ANKRD24: variants seen among roughly 807,000 people sequenced by gnomAD.
ANKRD24 encodes the protein ankyrin repeat domain 24, also known as ankyrin repeat domain-containing protein 24.
ANKRD24 carries 109 observed loss-of-function variants against 127.8 expected under a neutral mutation model. The observed-to-expected ratio is 0.85, with a 90% CI of 0.73 to 1.00. ANKRD24 has a LOEUF of 1.00. Ranked by LOEUF, ANKRD24 falls within the 50% of genes least tolerant of loss-of-function variation. The pLI, the probability that ANKRD24 is intolerant of heterozygous loss-of-function variation, is 0.00. For synonymous variants in ANKRD24, 743 were observed against 671.1 expected, an observed-to-expected ratio of 1.11 and a Z score of -1.66; for missense variants, 1,648 against 1,570.2, an observed-to-expected ratio of 1.05 and a Z score of -0.84.
intron 7 of ANKRD24, among the ~76,000 whole-genome samples, chr19:4,205,771 C>T (rs575782430): frequency 8.6e-5 from 13 of 151,964 alleles, no homozygotes; most frequent in African/African-American, 2.2e-4. Context: ...TCGCTGGAAC[C>T]GGGGAGGCGG....
chr19:4,215,020 C>A (rs1969978254), intron 15 of ANKRD24, among the ~76,000 whole-genome samples: 1 of 152,208 alleles, frequency 6.6e-6, no homozygotes, highest in Admixed American at 6.6e-5. Context: ...CAGACAAACA[C>A]ACCCACAGGT....
intron 2 of ANKRD24, among the ~76,000 whole-genome samples, chr19:4,187,397 A>G (rs540073147): frequency 6.6e-6 from 1 of 151,282 alleles, no homozygotes; most frequent in Non-Finnish European, 1.5e-5. Flanking sequence ...TGGGCAACAG[A>G]GTGAGACTCC....
At position 4,217,910 on chromosome 19, in the gene ANKRD24, C is replaced by A; in HGVS notation, c.2750C>A (p.Ser917Tyr). 6.7e-7 allele frequency: 1 copy of A among 1,486,686 alleles called. No homozygotes were observed. The highest frequency in any genetic ancestry group is 8.9e-7 in the Non-Finnish European group (1 of 1,125,832). The allele number at this position is 1,486,686 out of a possible 1,614,324, so 92.1% of individuals were successfully genotyped here. A position where few individuals can be genotyped will look rare whatever the true frequency, so the allele number is the denominator to read the frequency against. The change falls in exon 18 of 22, where the codon TCT becomes TAT. Residue 917 changes from serine to tyrosine, a missense_variant. By Grantham distance (144) the Ser-to-Tyr change is moderately radical. Coordinates refer to ENST00000318934, the MANE Select transcript of ANKRD24 (RefSeq NM_001393985.1). The stretch of plus-strand genomic sequence containing the variant: ...CTCCGCCAGTCCGTGGTGCCGGCCT[C>A]TGAGCACCGCCGGCTGCAGGAGGAG... Reference protein sequence around the residue: ...EALRQSVVPASEHRRLQEEAL... With the variant: ...EALRQSVVPAYEHRRLQEEAL...
chr19:4,194,949 G>A (rs968199335), intron 2 of ANKRD24, among the ~76,000 whole-genome samples: 5 of 151,608 alleles, frequency 3.3e-5, no homozygotes, highest in Admixed American at 6.6e-5. Context: ...AGTGGGCTCC[G>A]AGGGGCATTT....
intron 15 of ANKRD24, among the ~76,000 whole-genome samples, chr19:4,213,759 C>T (rs1180397892): frequency 6.6e-6 from 1 of 152,074 alleles, no homozygotes; most frequent in East Asian, 1.9e-4. Context: ...CGCAGCCTCC[C>T]GAGTAGCTGG....
In ANKRD24 at chr19:4,216,939, A is replaced by G. The variant is rs1286728575; in HGVS notation, c.1779A>G (p.Gly593=). Residue 593 remains glycine, a synonymous_variant, in exon 18 of 22, where the codon GGA becomes GGG. Transcript: ENST00000318934. Reference sequence around the variant, plus strand: ...AGGCCACGGGAGCTGAGGCCACAGGAGCCAAGGTCACAGAAACAAAACCCA... The same window carrying G: ...AGGCCACGGGAGCTGAGGCCACAGGGGCCAAGGTCACAGAAACAAAACCCA... ...GAEATGAEAT[G]AKVTETKPTG... is the part of the protein sequence containing the mutation. 9 of 1,611,430 alleles carry G rather than the reference A, an allele frequency of 5.6e-6. No homozygotes were observed. Among genetic ancestry groups the G allele is most frequent in the Non-Finnish European group, 1.7e-6 (2 of 1,178,922 alleles).
At chr19:4,208,566 A>G (rs1969522824) in intron 10 of ANKRD24, among the ~76,000 whole-genome samples, 198 bp from the exon 11 acceptor site, 1 of 151,932 alleles carries the variant, frequency 6.6e-6, no homozygotes, top group Non-Finnish European at 1.5e-5. Flanking sequence ...TACAGGCATG[A>G]GTCACCCCAT....
intron 2 of ANKRD24, among the ~76,000 whole-genome samples, chr19:4,188,225 G>A (rs1032498771): frequency 4.6e-5 from 7 of 151,688 alleles, no homozygotes; most frequent in African/African-American, 1.5e-4. Context: ...TTACAGGCAC[G>A]CACCACCATG....
chr19:4,207,653 T>G, intron 9 of ANKRD24, 46 bp downstream of exon 9: 1 of 1,606,652 alleles, frequency 6.2e-7, no homozygotes, highest in East Asian at 2.2e-5. Context: ...CTGTGTGACC[T>G]TCGGCAAGAC....
Position 4,217,313 on chromosome 19 carries a change from C to A in ANKRD24, c.2153C>A (p.Ser718Ter), listed in dbSNP as rs751661084. 2 of 1,552,510 alleles carry A rather than the reference C, an allele frequency of 1.3e-6. No individual in the cohort carries two copies. Among genetic ancestry groups the A allele is most frequent in the African/African-American group, 2.7e-5 (2 of 73,186 alleles). ...CTACATCCTGGTGCCGCAGAGGCCT[C>A]GGAAAAGCTTCAAGTAGAGCTGGAG... The part of the protein sequence containing the change: ...PILHPGAAEA[S>*]EKLQVELETR... Residue 718 changes from serine to a stop codon, truncating the protein, a stop_gained, in exon 18 of 22, where the codon TCG becomes TAG. Transcript: ENST00000318934. LOFTEE classifies it high-confidence loss of function.
intron 1 of ANKRD24, among the ~76,000 whole-genome samples, chr19:4,183,957 G>A (rs966282880): frequency 2.6e-5 from 4 of 152,186 alleles, no homozygotes; most frequent in African/African-American, 7.2e-5. Flanking sequence ...AGGTAGAGCC[G>A]GTTGGGGTGA....
chr19:4,203,048 CTTTCTT>C, intron 7 of ANKRD24, 122 bp downstream of exon 7: 4 of 824,986 alleles, frequency 4.8e-6, no homozygotes, highest in Admixed American at 3.3e-5. Context: ...TCCTTTCTTT[CTTTCTT>C]TTTTTTTTTT....
At position 4,216,925 on chromosome 19, in the gene ANKRD24, G is replaced by A. The variant is rs1295811922; in HGVS notation, c.1765G>A (p.Ala589Thr). The A allele has an allele frequency of 6.2e-6, 10 of 1,610,240 alleles. No individual in the cohort carries two copies. Among genetic ancestry groups the A allele is most frequent in the Non-Finnish European group, 7.6e-6 (9 of 1,178,212 alleles). Residue 589 changes from alanine (A) to threonine (T), a missense_variant, in exon 18 of 22, where the codon GCT (alanine) becomes ACT (threonine). Physicochemically the swap from Ala to Thr is moderately conservative, Grantham distance 58 (BLOSUM62 0). Transcript: ENST00000318934. ...GGCCACGGGAGCCGAGGCCACGGGA[G>A]CTGAGGCCACAGGAGCCAAGGTCAC... The part of the protein sequence containing the change: ...AEATGAEATG[A>T]EATGAKVTET...
chr19:4,200,161 G>T lies in ANKRD24; in HGVS notation c.333G>T (p.Ala111=). 6.2e-7 allele frequency: 1 copy of T among 1,602,030 alleles called. No individual in the cohort carries two copies. ...MIAHGSNVMS[A]DGAGYNALHL... Reference sequence around the variant, plus strand: ...CTCATGGCAGCAATGTCATGAGCGCGGACGGGGCAGGTACTGCCAGCTGGG... The same window carrying T: ...CTCATGGCAGCAATGTCATGAGCGCTGACGGGGCAGGTACTGCCAGCTGGG... Residue 111 remains alanine (A), a synonymous_variant, in exon 5 of 22, where the codon GCG becomes GCT. Coordinates refer to ENST00000318934, the MANE Select transcript of ANKRD24 (RefSeq NM_001393985.1).
At chr19:4,206,047 C>T (rs1969362597) in intron 7 of ANKRD24, among the ~76,000 whole-genome samples, 1 of 151,922 alleles carries the variant, frequency 6.6e-6, no homozygotes, top group Admixed American at 6.6e-5. Context: ...GAGGCTGAGG[C>T]AGGAGAATGG....
At position 4,218,017 on chromosome 19, in the gene ANKRD24, G is replaced by A. The variant is rs1341997620; in HGVS notation, c.2857G>A (p.Glu953Lys). Residue 953 changes from glutamate to lysine, a missense_variant, in exon 18 of 22, where the codon GAG becomes AAG. By Grantham distance (56) the Glu-to-Lys change is moderately conservative. Coordinates refer to ENST00000318934, the MANE Select transcript of ANKRD24 (RefSeq NM_001393985.1). Reference sequence around the variant, plus strand: ...CAAGGAGGCCGCCCGGCTGCGCGCGGAGCTGGAGCGGGAGCGTGTGTGCAG... The same window carrying A: ...CAAGGAGGCCGCCCGGCTGCGCGCGAAGCTGGAGCGGGAGCGTGTGTGCAG... ...TGKEAARLRAELERERVCSVA... is the reference protein window; with the variant it reads ...TGKEAARLRAKLERERVCSVA... 36 of 1,552,782 alleles carry A rather than the reference G, an allele frequency of 2.3e-5. 2 individuals carry two copies. In the South Asian group the frequency reaches 3.9e-4, roughly 17 times the overall value.
At position 4,222,726 on chromosome 19, in the gene ANKRD24, G is replaced by A. The variant is rs373295145; in HGVS notation, c.3228G>A (p.Pro1076=). Residue 1076 remains proline, a synonymous_variant, in exon 20 of 22, where the codon CCG becomes CCA. Transcript: ENST00000318934. The part of the protein sequence containing the change: ...FNLKEALKEQ[P]AALATPEVEA... Reference sequence around the variant, plus strand: ...TTAAGGAAGCCTTGAAGGAGCAGCCGGCCGCCCTCGCCACCCCTGAGGTGG... The same window carrying A: ...TTAAGGAAGCCTTGAAGGAGCAGCCAGCCGCCCTCGCCACCCCTGAGGTGG... 119 of 1,612,080 alleles carry A rather than the reference G, an allele frequency of 7.4e-5. No homozygotes were observed. The highest frequency in any genetic ancestry group is 1.3e-4 in the Admixed American group (8 of 59,764).
chr19:4,188,134 G>A (rs962147653), intron 2 of ANKRD24, among the ~76,000 whole-genome samples: 3 of 151,990 alleles, frequency 2.0e-5, no homozygotes, highest in South Asian at 2.1e-4. Flanking sequence ...CTGGAGTGCC[G>A]TGGCTTGATC....
Position 4,207,974 on chromosome 19 carries a change from C to A in ANKRD24, c.832+6C>A. ...GCGCCCCTCCCCACCCAGCGGTATG[C>A]AAGCCCCACCTCCCCAATGCATTTG... On this transcript the variant is annotated splice_donor_region_variant and intron_variant, in intron 10 of 21. Transcript: ENST00000318934. The A allele has an allele frequency of 6.8e-7, 1 of 1,477,000 alleles. No homozygotes were observed. The highest frequency in any genetic ancestry group is 1.5e-5 in the South Asian group (1 of 68,766). The allele number at this position is 1,477,000 out of a possible 1,614,324, so 91.5% of individuals were successfully genotyped here.
Sources: allele counts gnomAD v4.1 joint callset (sites outside exome capture counted in the v4.1 genomes callset), GRCh38; gene constraint gnomAD v4.1.1; transcripts MANE v1.5; gene names NCBI Gene and HGNC (gene_info 2026-07-23, HGNC 2026-07-21).